Variants in NPNT observed in about 807,000 individuals in gnomAD.
NPNT encodes preosteoblast EGF-like repeat protein with MAM domain.
Under a neutral mutation model 68.6 loss-of-function variants are expected in NPNT, and 45 were observed. The observed-to-expected ratio is 0.66, with a 90% CI of 0.52 to 0.84. The LOEUF (loss-of-function observed/expected upper bound fraction) is 0.84. Ranked by LOEUF, NPNT falls within the 40% of genes least tolerant of loss-of-function variation. NPNT has a pLI of 0.00. For synonymous variants in NPNT, 233 were observed against 253.3 expected (o/e 0.92, Z 0.76); for missense variants, 672 against 714.8 (o/e 0.94, Z 0.68).
intron 2 of NPNT, among the ~76,000 whole-genome samples, chr4:105,918,833 G>T (rs1000528779): frequency 3.9e-5 from 6 of 152,072 alleles, no homozygotes; most frequent in African/African-American, 1.4e-4. Context: ...AATGAGATGG[G>T]TACTGTTCTA....
intron 2 of NPNT, among the ~76,000 whole-genome samples, chr4:105,920,753 T>A (rs1214479424): frequency 6.6e-6 from 1 of 152,048 alleles, no homozygotes; most frequent in African/African-American, 2.4e-5. Flanking sequence ...GACACAAAAA[T>A]AAAATGAGTT....
intron 11 of NPNT, 102 bp downstream of exon 11, chr4:105,967,546 C>T (rs1732267968): frequency 2.4e-6 from 3 of 1,247,674 alleles, no homozygotes; most frequent in South Asian, 3.5e-5. Flanking sequence ...AATTCAGGCT[C>T]AGATAAAGGT....
At chr4:105,909,069 T>C (rs2149327965) in intron 2 of NPNT, among the ~76,000 whole-genome samples, 1 of 152,298 alleles carries the variant, frequency 6.6e-6, no homozygotes, top group Admixed American at 6.5e-5. Flanking sequence ...TTGGTAATTA[T>C]CAGCAGAATA....
At chr4:105,933,527 C>T (rs527755115) in intron 3 of NPNT, among the ~76,000 whole-genome samples, 22 of 152,214 alleles carry the variant, frequency 1.4e-4, no homozygotes, top group African/African-American at 2.2e-4. Flanking sequence ...GAATTAATTT[C>T]GGTCCTTAAT....
At chr4:105,958,070 T>A (rs1483272264) in intron 8 of NPNT, among the ~76,000 whole-genome samples, 1 of 152,174 alleles carries the variant, frequency 6.6e-6, no homozygotes, top group Non-Finnish European at 1.5e-5. Context: ...TTCGCTTCCA[T>A]CATAGGTATT....
intron 8 of NPNT, among the ~76,000 whole-genome samples, chr4:105,956,317 T>G (rs1731219857): frequency 6.6e-6 from 1 of 152,080 alleles, no homozygotes; most frequent in South Asian, 2.1e-4. Flanking sequence ...AATGCTATGC[T>G]TTTTGCTTGG....
At chr4:105,919,027 C>G (rs1429024373) in intron 2 of NPNT, among the ~76,000 whole-genome samples, 1 of 152,134 alleles carries the variant, frequency 6.6e-6, no homozygotes, top group African/African-American at 2.4e-5. Context: ...AGTCTAACTG[C>G]AGCATCTATG....
chr4:105,928,246 T>C (rs2149355840), intron 3 of NPNT, among the ~76,000 whole-genome samples: 1 of 152,264 alleles, frequency 6.6e-6, no homozygotes, highest in Non-Finnish European at 1.5e-5. Context: ...AAAAAATATA[T>C]TTGGAAATGT....
chr4:105,924,097 T>C (rs1272998975), intron 2 of NPNT, among the ~76,000 whole-genome samples: 1 of 150,400 alleles, frequency 6.6e-6, no homozygotes, highest in Non-Finnish European at 1.5e-5. Context: ...ATTCCACTGC[T>C]CTTACCTCTA....
rs148105888 is a variant in NPNT at position 105,940,606 on chromosome 4, G to T, written c.733G>T (p.Gly245Ter). Residue 245 changes from glycine to a stop codon, truncating the protein, a stop_gained, in exon 7 of 12, where the codon GGA (glycine) becomes TGA (stop). Transcript: ENST00000379987. LOFTEE classifies it high-confidence loss of function. ...RGSYKCKCKE[G>*]YQGDGLTCVY... ...GTCCTACAAGTGCAAATGTAAAGAAGGATACCAGGGTGATGGACTGACTTG... is the reference window on the plus strand; with the variant it reads ...GTCCTACAAGTGCAAATGTAAAGAATGATACCAGGGTGATGGACTGACTTG... 5 of 1,613,306 alleles carry T rather than the reference G, an allele frequency of 3.1e-6. No individual in the cohort carries two copies. Among genetic ancestry groups the T allele is most frequent in the Non-Finnish European group, 4.2e-6 (5 of 1,179,512 alleles).
At chr4:105,925,323 A>G (rs1187926699) in intron 2 of NPNT, among the ~76,000 whole-genome samples, 1 of 152,118 alleles carries the variant, frequency 6.6e-6, no homozygotes, top group Admixed American at 6.6e-5. Context: ...AGTCTTTTAC[A>G]TTAAATACCT....
chr4:105,968,184 A>G (rs1259238282), intron 11 of NPNT, among the ~76,000 whole-genome samples: 1 of 152,230 alleles, frequency 6.6e-6, no homozygotes, highest in Non-Finnish European at 1.5e-5. Flanking sequence ...AAACCATTTT[A>G]GAAAGAAAAG....
At chr4:105,935,510 CAG>C (rs1304182609) in intron 3 of NPNT, among the ~76,000 whole-genome samples, 4 of 152,114 alleles carry the variant, frequency 2.6e-5, no homozygotes, top group Non-Finnish European at 5.9e-5. Flanking sequence ...CTTCAATTAA[CAG>C]AGGGAGAAAA....
At chr4:105,955,630 A>C (rs1305235115) in intron 8 of NPNT, among the ~76,000 whole-genome samples, 1 of 152,122 alleles carries the variant, frequency 6.6e-6, no homozygotes, top group Non-Finnish European at 1.5e-5. Context: ...TTTCATTTCT[A>C]ATACTTAGAT....
intron 2 of NPNT, among the ~76,000 whole-genome samples, chr4:105,914,466 ATATAT>A (rs1372263676): frequency 4.3e-5 from 6 of 139,434 alleles, no homozygotes; most frequent in South Asian, 4.4e-4. Flanking sequence ...ATAATATATA[ATATAT>A]TATATATATA....
intron 2 of NPNT, among the ~76,000 whole-genome samples, chr4:105,904,149 C>G (rs1726673500): frequency 1.3e-5 from 2 of 152,222 alleles, no homozygotes; most frequent in South Asian, 2.1e-4. Context: ...ATTAGCAAGT[C>G]TCTTACTGAT....
chr4:105,905,056 C>A (rs1317594788), intron 2 of NPNT, among the ~76,000 whole-genome samples: 1 of 151,432 alleles, frequency 6.6e-6, no homozygotes, highest in African/African-American at 2.4e-5. Flanking sequence ...ATTTTTATAC[C>A]TTTGTGTATA....
At chr4:105,936,956 A>T in intron 3 of NPNT, 53 bp from the exon 4 acceptor site, 2 of 1,566,844 alleles carry the variant, frequency 1.3e-6, no homozygotes, top group South Asian at 1.2e-5. Flanking sequence ...TAGATGGCTT[A>T]CATTAGTGCT....
chr4:105,900,834 G>GTTTTTTTTTTTTTTTTTTTTTTT (rs765343668), intron 2 of NPNT, among the ~76,000 whole-genome samples: 9 of 96,638 alleles, frequency 9.3e-5, no homozygotes, highest in African/African-American at 2.2e-4. Flanking sequence ...ACCCTTGGTT[G>GTTTTTTTTTTTTTTTTTTTTTTT]TTTTTTTTTT....
Sources: gnomAD v4.1 joint callset for allele counts (sites outside exome capture counted in the v4.1 genomes callset) on GRCh38, gnomAD v4.1.1 for gene constraint, MANE v1.5 for transcripts, NCBI Gene and HGNC (gene_info 2026-07-23, HGNC 2026-07-21) for gene names.